Variants in TAX1BP1 observed in about 807,000 individuals in gnomAD.
TAX1BP1 encodes the protein tax1-binding protein 1.
A neutral mutation model predicts 97.7 loss-of-function variants in TAX1BP1; 62 were observed. The observed-to-expected ratio is 0.63, with a 90% CI of 0.52 to 0.78. The LOEUF (loss-of-function observed/expected upper bound fraction) is 0.78, where lower values mean the gene tolerates loss of function less well. Ranked by LOEUF, TAX1BP1 falls within the 30% of genes least tolerant of loss-of-function variation. TAX1BP1 has a pLI of 0.00. For synonymous variants in TAX1BP1, 340 were observed against 304.2 expected, an observed-to-expected ratio of 1.12 and a Z score of -1.23; for missense variants, 867 against 916.1, an observed-to-expected ratio of 0.95 and a Z score of 0.69.
rs115387906 is a variant in TAX1BP1 at position 27,782,867 on chromosome 7, G to A, written c.613-2296G>A. Among the ~76,000 whole-genome samples the A allele has an allele frequency of 9.3e-3, 1,416 of 152,142 alleles. 32 individuals are homozygous for A. Among genetic ancestry groups the A allele is most frequent in the African/African-American group, 0.033 (1,373 of 41,512 alleles). ...GATACTGTATCTGGTTTCTTCATATGCTTTTGTTTATAATCAGAATTTTAT... is the reference window on the plus strand; with the variant it reads ...GATACTGTATCTGGTTTCTTCATATACTTTTGTTTATAATCAGAATTTTAT... On this transcript the variant is annotated intron_variant, in intron 5 of 16. Coordinates refer to ENST00000396319, the MANE Select transcript of TAX1BP1 (RefSeq NM_006024.7).
At chr7:27,786,020 A>G (rs752095598) in intron 7 of TAX1BP1, among the ~76,000 whole-genome samples, 7 of 152,184 alleles carry the variant, frequency 4.6e-5, no homozygotes, top group Non-Finnish European at 1.5e-5. Flanking sequence ...TGGGGAGAAC[A>G]TTAATTTAGT....
At chr7:27,773,918 G>T (rs1229064566) in intron 5 of TAX1BP1, among the ~76,000 whole-genome samples, 1 of 152,030 alleles carries the variant, frequency 6.6e-6, no homozygotes, top group Non-Finnish European at 1.5e-5. Flanking sequence ...CCTAAACTAT[G>T]AATTGAGTTT....
chr7:27,782,579 A>G (rs1789304506), intron 5 of TAX1BP1, among the ~76,000 whole-genome samples: 1 of 152,182 alleles, frequency 6.6e-6, no homozygotes, highest in African/African-American at 2.4e-5. Context: ...GTGGATTTGT[A>G]GAAACCAGAG....
At chr7:27,826,309 A>ATT (rs1364250778) in intron 15 of TAX1BP1, among the ~76,000 whole-genome samples, 1 of 152,236 alleles carries the variant, frequency 6.6e-6, no homozygotes, top group Non-Finnish European at 1.5e-5. Context: ...GGACTCACAG[A>ATT]TAAACAGAAG....
chr7:27,792,352 T>G, intron 9 of TAX1BP1, 122 bp downstream of exon 9: 1 of 942,254 alleles, frequency 1.1e-6, no homozygotes, highest in Non-Finnish European at 1.6e-6. Context: ...TTTAAAATTT[T>G]CATTCCTTTT....
At chr7:27,796,016 C>A in intron 11 of TAX1BP1, 100 bp from the exon 12 acceptor site, 1 of 792,194 alleles carries the variant, frequency 1.3e-6, no homozygotes. Flanking sequence ...ATTCCATTTA[C>A]TATATTTTAC....
At chr7:27,790,707 A>G (rs959907813) in intron 8 of TAX1BP1, among the ~76,000 whole-genome samples, 3 of 152,110 alleles carry the variant, frequency 2.0e-5, no homozygotes, top group African/African-American at 7.2e-5. Flanking sequence ...TGGAAATAAA[A>G]TTGCTAGATC....
chr7:27,777,148 C>T lies in TAX1BP1; in HGVS notation c.612+7314C>T, dbSNP rs186460126. On this transcript the variant is annotated intron_variant, in intron 5 of 16. Transcript: ENST00000396319. ...CAGTTTTGATTGATTGGCTTTTCTA[C>T]TCATTATGGGTTATATTTTTCTGCC... Among the ~76,000 whole-genome samples, 187 of 152,178 alleles carry T rather than the reference C, an allele frequency of 1.2e-3. 2 individuals are homozygous for T. The highest frequency in any genetic ancestry group is 4.2e-3 in the African/African-American group (176 of 41,534).
chr7:27,780,274 C>T (rs1789202319), intron 5 of TAX1BP1, among the ~76,000 whole-genome samples: 1 of 152,110 alleles, frequency 6.6e-6, no homozygotes, highest in African/African-American at 2.4e-5. Context: ...TTCAGTACCT[C>T]AATTATTAAA....
Position 27,758,040 on chromosome 7 carries a change from A to G in TAX1BP1, c.172A>G (p.Ser58Gly). ...TGTTATTTCCCTTTAGGTTGGATGG[A>G]GTACTGCTCGTGATTATTACACGTT... ...DWVGIFKVGWSTARDYYTFLW... is the reference protein window; with the variant it reads ...DWVGIFKVGWGTARDYYTFLW... Residue 58 changes from serine (S) to glycine (G), a missense_variant, in exon 3 of 17, where the codon AGT becomes GGT. By Grantham distance (56) the Ser-to-Gly change is moderately conservative. Around this residue, in one of 3 missense-constraint regions of TAX1BP1, gnomAD observed 822 missense variants for 851.4 expected, o/e 0.97. Transcript: ENST00000396319. The G allele has an allele frequency of 6.2e-7, 1 of 1,609,452 alleles. No homozygotes were observed. The highest frequency in any genetic ancestry group is 1.1e-5 in the South Asian group (1 of 90,430).
chr7:27,792,357 C>G (rs1189477498), intron 9 of TAX1BP1, 127 bp downstream of exon 9: 3 of 905,656 alleles, frequency 3.3e-6, no homozygotes, highest in East Asian at 2.7e-5. Flanking sequence ...AATTTTCATT[C>G]CTTTTGTTTA....
At chr7:27,802,984 C>T in intron 13 of TAX1BP1, 1 of 891,996 alleles carries the variant, frequency 1.1e-6, no homozygotes. Context: ...AAAGAATTAG[C>T]TGAGGAAAAT....
intron 2 of TAX1BP1, among the ~76,000 whole-genome samples, chr7:27,750,652 T>C (rs1227969521): frequency 3.3e-5 from 5 of 152,238 alleles, no homozygotes; most frequent in Non-Finnish European, 5.9e-5. Flanking sequence ...GGGAAGTCTT[T>C]GTATATGTAT....
chr7:27,792,210 A>C lies in TAX1BP1; in HGVS notation c.1243A>C (p.Asn415His). ...TGATGCAGTGGCAGAACTTAAACTA[A>C]ATGCTATGAAAAAAGATCAGGTAAA... ...LADAVAELKLNAMKKDQDKTD... is the reference protein window; with the variant it reads ...LADAVAELKLHAMKKDQDKTD... Residue 415 changes from asparagine to histidine, a missense_variant, in exon 9 of 17, where the codon AAT becomes CAT. This residue lies in a region of TAX1BP1 where 822 missense variants were observed against 851.4 expected (regional missense o/e 0.97). Transcript: ENST00000396319. 6.2e-7 allele frequency: 1 copy of C among 1,611,020 alleles called. No individual in the cohort carries two copies. Among genetic ancestry groups the C allele is most frequent in the Non-Finnish European group, 8.5e-7 (1 of 1,178,456 alleles).
intron 13 of TAX1BP1, among the ~76,000 whole-genome samples, chr7:27,803,907 T>C (rs1354313272): frequency 6.6e-6 from 1 of 152,210 alleles, no homozygotes; most frequent in Admixed American, 6.5e-5. Flanking sequence ...GGAAACCATT[T>C]TTACTTTAAA....
intron 7 of TAX1BP1, among the ~76,000 whole-genome samples, chr7:27,786,019 CATTA>C (rs1188537146): frequency 6.6e-6 from 1 of 151,846 alleles, no homozygotes; most frequent in African/African-American, 2.4e-5. Context: ...TTGGGGAGAA[CATTA>C]ATTTAGTAAT....
intron 13 of TAX1BP1, among the ~76,000 whole-genome samples, chr7:27,801,678 A>G (rs1276515941): frequency 2.0e-5 from 3 of 152,246 alleles, no homozygotes; most frequent in Non-Finnish European, 4.4e-5. Flanking sequence ...CACCCTAGGT[A>G]ATCATCTATA....
Position 27,748,606 on chromosome 7 carries a change from C to T in TAX1BP1, c.82C>T (p.Pro28Ser). 6.2e-7 allele frequency: 1 copy of T among 1,606,224 alleles called. No homozygotes were observed. Among genetic ancestry groups the T allele is most frequent in the Non-Finnish European group, 8.5e-7 (1 of 1,175,634 alleles). Residue 28 changes from proline to serine, a missense_variant, in exon 2 of 17, where the codon CCT becomes TCT. Physicochemically the swap from Pro to Ser is moderately conservative, Grantham distance 74. Coordinates refer to ENST00000396319, the MANE Select transcript of TAX1BP1 (RefSeq NM_006024.7). ...TCAAAATGTGGCCAAGAGTTACCTT[C>T]CTAATGCACACCTGGAATGTCATTA... ...IFQNVAKSYL[P>S]NAHLECHYTL...
chr7:27,808,664 G>A (rs1370539614), intron 13 of TAX1BP1, among the ~76,000 whole-genome samples: 3 of 152,048 alleles, frequency 2.0e-5, no homozygotes, highest in Non-Finnish European at 2.9e-5. Flanking sequence ...TGTAAAACCG[G>A]GGTCACTGTG....
Sources: allele counts gnomAD v4.1 joint callset (sites outside exome capture counted in the v4.1 genomes callset), GRCh38; gene constraint gnomAD v4.1.1; regional missense constraint gnomAD v4.1.1; transcripts MANE v1.5; gene names NCBI Gene and HGNC (gene_info 2026-07-23, HGNC 2026-07-21).